The following NRG4 variants were observed in gnomAD, a reference collection of about 807,000 sequenced individuals.
The protein encoded by NRG4 is pro-neuregulin-4, membrane-bound isoform.
NRG4 carries 10 observed loss-of-function variants against 15.0 expected under a neutral mutation model. The ratio of observed to expected loss-of-function variants is 0.67; its 90% confidence interval spans 0.41 to 1.13. NRG4 has a LOEUF of 1.13. NRG4 is among the 50% of genes most tolerant of loss of function. The pLI, the probability that NRG4 is intolerant of heterozygous loss-of-function variation, is 0.00. For missense variants in NRG4, 139 were observed against 140.2 expected, an observed-to-expected ratio of 0.99 and a Z score of 0.04; for synonymous variants, 41 against 50.1, an observed-to-expected ratio of 0.82 and a Z score of 0.77.
downstream of NRG4, chr15:75,938,203 T>C (rs1317036689): frequency 1.3e-5 from 2 of 152,208 alleles, no homozygotes; most frequent in Admixed American, 6.5e-5. Flanking sequence ...AAGAGAGACT[T>C]CAGTGATCAC....
At position 75,943,483 on chromosome 15, in the gene NRG4, C is replaced by T. The variant is rs919183194; in HGVS notation, c.*155G>A. 2 of 607,694 alleles carry T rather than the reference C, an allele frequency of 3.3e-6. No individual in the cohort carries two copies. The highest frequency in any genetic ancestry group is 3.8e-5 in the African/African-American group (2 of 53,132). The allele number at this position is 607,694 out of a possible 1,614,324, so 37.6% of individuals were successfully genotyped here. A position where few individuals can be genotyped will look rare whatever the true frequency, so the allele number is the denominator to read the frequency against. Reference sequence around the variant, plus strand: ...GATGCACATTACAGAAGCACACACACCTTGCAGCAGAATGGATTATGGTTC... The same window carrying T: ...GATGCACATTACAGAAGCACACACATCTTGCAGCAGAATGGATTATGGTTC... On this transcript the variant is annotated 3_prime_UTR_variant, in exon 6 of 6. Transcript: ENST00000394907.
chr15:75,946,542 G>A (rs1277944885), intron 5 of NRG4, among the ~76,000 whole-genome samples: 1 of 152,022 alleles, frequency 6.6e-6, no homozygotes, highest in African/African-American at 2.4e-5. Flanking sequence ...TGTATTTTTA[G>A]TAGAGACGGG....
intron 3 of NRG4, among the ~76,000 whole-genome samples, chr15:75,973,234 G>T (rs769730445): frequency 3.3e-5 from 5 of 152,152 alleles, no homozygotes; most frequent in Admixed American, 2.6e-4. Flanking sequence ...ATCCTGAGAC[G>T]TTGCTGAAGT....
chr15:76,014,183 T>C (rs2034903724), upstream of NRG4, among the ~76,000 whole-genome samples: 1 of 152,212 alleles, frequency 6.6e-6, no homozygotes, highest in Non-Finnish European at 1.5e-5. Flanking sequence ...CACTTTTTGA[T>C]GGGGTTGTTG....
At chr15:75,960,443 TC>T (rs1439371861) in intron 4 of NRG4, among the ~76,000 whole-genome samples, 1 of 152,230 alleles carries the variant, frequency 6.6e-6, no homozygotes, top group African/African-American at 2.4e-5. Flanking sequence ...CAGCTGGGCA[TC>T]TTTTGCTTGG....
At chr15:76,050,449 T>TG (rs2035971467) in intron 4 of NRG4, among the ~76,000 whole-genome samples, 1 of 144,356 alleles carries the variant, frequency 6.9e-6, no homozygotes, top group Non-Finnish European at 1.5e-5. Context: ...TTTTTTTTTT[T>TG]TTTTTTTTTT....
intron 3 of NRG4, among the ~76,000 whole-genome samples, chr15:75,987,201 T>G (rs892826117): frequency 6.6e-6 from 1 of 152,086 alleles, no homozygotes; most frequent in Non-Finnish European, 1.5e-5. Flanking sequence ...GAAAAATGAT[T>G]AAGGATGACA....
upstream of NRG4, among the ~76,000 whole-genome samples, chr15:76,013,216 A>C (rs1352848202): frequency 6.6e-6 from 1 of 152,168 alleles, no homozygotes; most frequent in East Asian, 1.9e-4. Flanking sequence ...AAATACTCTA[A>C]AAACAATCTG....
intron 3 of NRG4, among the ~76,000 whole-genome samples, chr15:75,984,452 C>T (rs1335117557): frequency 2.0e-5 from 3 of 152,098 alleles, no homozygotes; most frequent in African/African-American, 7.2e-5. Context: ...GAACACTACA[C>T]AACCATAAAA....
chr15:76,002,560 C>T (rs935633514), intron 3 of NRG4, among the ~76,000 whole-genome samples: 2 of 151,914 alleles, frequency 1.3e-5, no homozygotes, highest in Non-Finnish European at 2.9e-5. Context: ...AAGAGACTAT[C>T]GGATTGAATT....
At chr15:76,032,057 A>G (rs1164988623) in intron 5 of NRG4, among the ~76,000 whole-genome samples, 1 of 152,214 alleles carries the variant, frequency 6.6e-6, no homozygotes, top group Non-Finnish European at 1.5e-5. Flanking sequence ...GCACAGAGCC[A>G]CCATGCTAAT....
intron 4 of NRG4, among the ~76,000 whole-genome samples, chr15:76,039,286 A>G (rs1262792188): frequency 6.6e-6 from 1 of 152,220 alleles, no homozygotes; most frequent in Non-Finnish European, 1.5e-5. Flanking sequence ...TGCGAGGCCA[A>G]TCCTGAAGAA....
chr15:76,020,627 A>G (rs1378846649), intron 5 of NRG4, among the ~76,000 whole-genome samples: 1 of 152,236 alleles, frequency 6.6e-6, no homozygotes, highest in Non-Finnish European at 1.5e-5. Context: ...AAAAAATCTT[A>G]TAATGTTTTA....
At chr15:76,040,125 A>G (rs775302774) in intron 4 of NRG4, among the ~76,000 whole-genome samples, 1 of 152,192 alleles carries the variant, frequency 6.6e-6, no homozygotes, top group Non-Finnish European at 1.5e-5. Context: ...TTAATAATCA[A>G]ACTCCCAAAG....
downstream of NRG4, chr15:75,940,617 A>G (rs2030850727): frequency 6.6e-6 from 1 of 152,102 alleles, no homozygotes; most frequent in Non-Finnish European, 1.5e-5. Context: ...AATCAAAACA[A>G]TGTGATTCTG....
chr15:75,996,080 A>G (rs554106918), intron 3 of NRG4, among the ~76,000 whole-genome samples: 1 of 152,354 alleles, frequency 6.6e-6, no homozygotes, highest in Non-Finnish European at 1.5e-5. Context: ...AGAGAAAAAG[A>G]ATGCCTGGCT....
chr15:76,030,154 G>A (rs963210972), intron 5 of NRG4, among the ~76,000 whole-genome samples: 1 of 152,118 alleles, frequency 6.6e-6, no homozygotes. Context: ...AGCTACTCAG[G>A]AGGCTGAGGC....
intron 3 of NRG4, among the ~76,000 whole-genome samples, chr15:75,978,940 A>G (rs1595981413): frequency 6.6e-6 from 1 of 152,100 alleles, no homozygotes; most frequent in Non-Finnish European, 1.5e-5. Context: ...GCACAAAGCT[A>G]TATCTCCACT....
At chr15:75,974,865 T>C (rs1210090265) in intron 3 of NRG4, among the ~76,000 whole-genome samples, 1 of 152,182 alleles carries the variant, frequency 6.6e-6, no homozygotes, top group African/African-American at 2.4e-5. Context: ...AGACGTCTAT[T>C]AGGTCTGCTT....
Sources: gnomAD v4.1 joint callset for allele counts (sites outside exome capture counted in the v4.1 genomes callset) on GRCh38, gnomAD v4.1.1 for gene constraint, MANE v1.5 for transcripts, NCBI Gene and HGNC (gene_info 2026-07-23, HGNC 2026-07-21) for gene names.